PARD3B: variants seen among roughly 807,000 people sequenced by gnomAD.
PARD3B encodes the protein partitioning defective 3 homolog B.
In PARD3B, 103 loss-of-function variants were observed where a neutral mutation model predicts 130.2. That is an observed-to-expected ratio of 0.79 (90% CI 0.67 to 0.93). The LOEUF is 0.93. Ranked by LOEUF, PARD3B falls within the 40% of genes least tolerant of loss-of-function variation. The pLI is 0.00. For synonymous variants in PARD3B, 583 were observed against 553.2 expected, an observed-to-expected ratio of 1.05 and a Z score of -0.76; for missense variants, 1,609 against 1,499.2, an observed-to-expected ratio of 1.07 and a Z score of -1.21.
chr2:205,136,299 CTA>C (rs768803303), intron 10 of PARD3B, among the ~76,000 whole-genome samples: 59 of 152,156 alleles, frequency 3.9e-4, no homozygotes, highest in Non-Finnish European at 7.2e-4. Flanking sequence ...AAGTAACACT[CTA>C]TGTGTTTCTC....
intron 18 of PARD3B, among the ~76,000 whole-genome samples, chr2:205,345,687 A>C (rs2043727483): frequency 6.6e-6 from 1 of 151,156 alleles, no homozygotes; most frequent in Non-Finnish European, 1.5e-5. Flanking sequence ...CACTGAGCAT[A>C]AGAGAAAGTG....
intron 6 of PARD3B, among the ~76,000 whole-genome samples, chr2:205,114,223 C>T (rs1703861906): frequency 6.6e-6 from 1 of 152,078 alleles, no homozygotes; most frequent in Non-Finnish European, 1.5e-5. Flanking sequence ...TTACATCTAT[C>T]TAACTGGATT....
At chr2:204,781,859 G>T (rs1217944658) in intron 2 of PARD3B, among the ~76,000 whole-genome samples, 5 of 151,854 alleles carry the variant, frequency 3.3e-5, no homozygotes, top group Non-Finnish European at 5.9e-5. Flanking sequence ...TGCTTAACCG[G>T]CTGTTTATTT....
At chr2:205,123,680 G>C (rs1327526722) in intron 8 of PARD3B, among the ~76,000 whole-genome samples, 1 of 151,130 alleles carries the variant, frequency 6.6e-6, no homozygotes, top group African/African-American at 2.4e-5. Flanking sequence ...AAAATAAGTG[G>C]TGGGAATCAT....
chr2:205,484,787 C>T (rs1355515), intron 20 of PARD3B, among the ~76,000 whole-genome samples: 105,868 of 152,018 alleles, frequency 0.7, 37,971 homozygotes, highest in Middle Eastern at 0.83. Context: ...TCAATTATTC[C>T]CCACACATGA....
In PARD3B at chr2:205,461,449, G is replaced by A. The variant is rs1003323905; in HGVS notation, c.3044+20777G>A. ...GAACCAAGAGGTATTCCCTAGCACG[G>A]ACTGCCATGTAGAAAAGGTCCCCTA... On this transcript the variant is annotated intron_variant, in intron 20 of 22. Coordinates refer to ENST00000406610, the MANE Select transcript of PARD3B (RefSeq NM_001302769.2). The surrounding 1 kb of genome is among the most constrained non-coding windows in gnomAD (Gnocchi z 4.3). 2.0e-5 allele frequency among the ~76,000 whole-genome samples: 3 copies of A among 152,120 alleles called. No homozygotes were observed. The highest frequency in any genetic ancestry group is 2.0e-4 in the Admixed American group (3 of 15,264).
chr2:204,866,129 A>G (rs369838139), intron 2 of PARD3B, among the ~76,000 whole-genome samples: 4 of 152,092 alleles, frequency 2.6e-5, no homozygotes, highest in African/African-American at 7.2e-5. Flanking sequence ...GAATTTTGCT[A>G]TATTGTTTTA....
rs1176637198 is a variant in PARD3B, at chr2:205,187,903, A to C, written c.2024+2040A>C. Among the ~76,000 whole-genome samples the C allele has an allele frequency of 6.6e-6, 1 of 152,144 alleles. No homozygotes were observed. The highest frequency in any genetic ancestry group is 1.9e-4 in the East Asian group (1 of 5,184). On this transcript the variant is annotated intron_variant, in intron 14 of 22. Coordinates refer to ENST00000406610, the MANE Select transcript of PARD3B (RefSeq NM_001302769.2). This position sits in a 1 kb window ranked among gnomAD's most constrained non-coding sequence, Gnocchi z 4.9. ...AAAGTATGACGTTGTCTTAGACTTC[A>C]TTCTTCTTTTCCACTCTGCAGTATT...
At chr2:205,037,576 GAT>G (rs1400076356) in intron 3 of PARD3B, among the ~76,000 whole-genome samples, 3 of 147,462 alleles carry the variant, frequency 2.0e-5, no homozygotes, top group African/African-American at 7.4e-5. Flanking sequence ...CTATATATAA[GAT>G]ATATGTACAG....
intron 18 of PARD3B, among the ~76,000 whole-genome samples, chr2:205,335,005 T>C (rs1199145888): frequency 6.6e-6 from 1 of 152,178 alleles, no homozygotes; most frequent in Non-Finnish European, 1.5e-5. Context: ...AAGAGAAGCA[T>C]TTATTTTACC....
At chr2:204,789,796 T>A (rs2042136302) in intron 2 of PARD3B, among the ~76,000 whole-genome samples, 1 of 152,106 alleles carries the variant, frequency 6.6e-6, no homozygotes, top group Non-Finnish European at 1.5e-5. Context: ...CTTGTCTACA[T>A]ACCAAGAACC....
chr2:204,782,759 A>T (rs1313650727), intron 2 of PARD3B, among the ~76,000 whole-genome samples: 1 of 152,006 alleles, frequency 6.6e-6, no homozygotes, highest in African/African-American at 2.4e-5. Context: ...TCAAATAGGC[A>T]ATGTATTATT....
intron 10 of PARD3B, among the ~76,000 whole-genome samples, chr2:205,154,859 A>G (rs2034008536): frequency 6.6e-6 from 1 of 152,164 alleles, no homozygotes; most frequent in African/African-American, 2.4e-5. Flanking sequence ...GAACAGTTGG[A>G]CACAGGGTGG....
chr2:204,693,713 A>T (rs73059066), intron 2 of PARD3B, among the ~76,000 whole-genome samples: 2 of 151,906 alleles, frequency 1.3e-5, no homozygotes, highest in Non-Finnish European at 2.9e-5. Context: ...CTCTAAACCC[A>T]CTTCAACCGC....
At chr2:205,434,856 A>G (rs1295454866) in intron 19 of PARD3B, among the ~76,000 whole-genome samples, 1 of 148,880 alleles carries the variant, frequency 6.7e-6, no homozygotes, top group Non-Finnish European at 1.5e-5. Context: ...ATTCACTACA[A>G]CTTGTAGTTG....
chr2:204,951,022 C>T (rs566435244), intron 2 of PARD3B, among the ~76,000 whole-genome samples: 1 of 152,228 alleles, frequency 6.6e-6, no homozygotes, highest in African/African-American at 2.4e-5. Context: ...CTTCTCCTTG[C>T]TGGGCAATTG....
At chr2:205,294,864 G>C (rs757352146) in intron 16 of PARD3B, among the ~76,000 whole-genome samples, 5 of 152,158 alleles carry the variant, frequency 3.3e-5, no homozygotes, top group African/African-American at 1.2e-4. Context: ...TAATGAATAG[G>C]AAACAGGGCA....
At chr2:204,591,570 A>AT (rs2033074679) in intron 1 of PARD3B, among the ~76,000 whole-genome samples, 1 of 152,220 alleles carries the variant, frequency 6.6e-6, no homozygotes, top group African/African-American at 2.4e-5. Context: ...TGTTTGGCTC[A>AT]TCAGTAGGGA....
At chr2:205,018,505 A>C (rs1696330496) in intron 3 of PARD3B, among the ~76,000 whole-genome samples, 1 of 152,052 alleles carries the variant, frequency 6.6e-6, no homozygotes, top group African/African-American at 2.4e-5. Flanking sequence ...AAGTGTTTTC[A>C]GTTGATCTCT....
Sources: gnomAD v4.1 joint callset for allele counts (sites outside exome capture counted in the v4.1 genomes callset) on GRCh38, gnomAD v4.1.1 for gene constraint, Gnocchi (gnomAD v3.1) non-coding constraint, MANE v1.5 for transcripts, NCBI Gene and HGNC (gene_info 2026-07-23, HGNC 2026-07-21) for gene names.